MRC1: variants seen among roughly 807,000 people sequenced by gnomAD.
MRC1 encodes the protein mannose receptor C-type 1, also known as macrophage mannose receptor 1.
In MRC1, 62 loss-of-function variants were observed where a neutral mutation model predicts 102.9. The observed-to-expected ratio is 0.60, with a 90% CI of 0.49 to 0.74. The LOEUF (loss-of-function observed/expected upper bound fraction) is 0.74, where lower values mean the gene tolerates loss of function less well. Among genes scored for constraint, MRC1 ranks in the 30% least tolerant of loss-of-function variants. The pLI, the probability that MRC1 is intolerant of heterozygous loss-of-function variation, is 0.00. For missense variants in MRC1, 1,237 were observed against 862.8 expected (o/e 1.43, Z -5.43); for synonymous variants, 457 against 298.4 (o/e 1.53, Z -5.48).
At chr10:17,835,822 G>A (rs1838653984) in intron 4 of MRC1, among the ~76,000 whole-genome samples, 1 of 152,222 alleles carries the variant, frequency 6.6e-6, no homozygotes, top group Non-Finnish European at 1.5e-5. Flanking sequence ...TGCCTGGGCT[G>A]AGATCCCGAA....
intron 5 of MRC1, among the ~76,000 whole-genome samples, chr10:17,841,848 C>T (rs1838757487): frequency 6.6e-6 from 1 of 151,854 alleles, no homozygotes; most frequent in African/African-American, 2.4e-5. Flanking sequence ...ATCAAATCTC[C>T]TATGGGCCAT....
chr10:17,872,314 G>A (rs1368931667), intron 15 of MRC1, among the ~76,000 whole-genome samples, 188 bp downstream of exon 15: 1 of 152,180 alleles, frequency 6.6e-6, no homozygotes, highest in African/African-American at 2.4e-5. Context: ...GAACAGAGAA[G>A]ATCAAAAGGC....
chr10:17,905,911 T>C (rs1045475519), intron 26 of MRC1, among the ~76,000 whole-genome samples: 162 of 152,288 alleles, frequency 1.1e-3, no homozygotes, highest in African/African-American at 3.5e-3. Context: ...GAAAATTTAA[T>C]GGGTTAATGC....
chr10:17,859,105 C>A (rs1833141155), intron 9 of MRC1, among the ~76,000 whole-genome samples: 1 of 152,164 alleles, frequency 6.6e-6, no homozygotes, highest in Non-Finnish European at 1.5e-5. Context: ...GAGTTTTTAA[C>A]TTCATTGCTA....
intron 4 of MRC1, among the ~76,000 whole-genome samples, chr10:17,834,561 T>C (rs1222721509): frequency 2.0e-5 from 3 of 151,976 alleles, no homozygotes; most frequent in Admixed American, 1.3e-4. Context: ...TACAGGTGCT[T>C]GCCACCATGC....
chr10:17,826,285 C>T (rs1838474081), intron 2 of MRC1, among the ~76,000 whole-genome samples: 1 of 152,096 alleles, frequency 6.6e-6, no homozygotes, highest in African/African-American at 2.4e-5. Context: ...TCACAGCAAC[C>T]TCCGCCTCCC....
intron 5 of MRC1, among the ~76,000 whole-genome samples, chr10:17,843,978 G>C (rs1200066498): frequency 2.0e-5 from 3 of 152,130 alleles, no homozygotes; most frequent in Non-Finnish European, 4.4e-5. Context: ...GGGAGTACTG[G>C]TTTTTAAATC....
At chr10:17,831,797 C>G (rs993386936) in intron 3 of MRC1, among the ~76,000 whole-genome samples, 2 of 151,548 alleles carry the variant, frequency 1.3e-5, no homozygotes, top group Non-Finnish European at 2.9e-5. Flanking sequence ...CAAAATATTT[C>G]ATTTGTTTAC....
chr10:17,858,318 G>A (rs938603021), intron 9 of MRC1, among the ~76,000 whole-genome samples: 3 of 152,094 alleles, frequency 2.0e-5, no homozygotes, highest in African/African-American at 7.2e-5. Flanking sequence ...CTTCAGTTTT[G>A]AAGTGGATAT....
chr10:17,868,589 A>T lies in MRC1; in HGVS notation c.1984-1657A>T, dbSNP rs982764803. ...AACCCTGTTACCTACCTACTGCTTA[A>T]TGATACTGTTTTCTAATAGTCCTGC... On this transcript the variant is annotated intron_variant, in intron 12 of 29. Coordinates refer to ENST00000569591, the MANE Select transcript of MRC1 (RefSeq NM_002438.4). 1.5e-4 allele frequency among the ~76,000 whole-genome samples: 23 copies of T among 152,320 alleles called. No homozygotes were observed. In the East Asian group the frequency reaches 4.2e-3, roughly 28 times the overall value.
intron 11 of MRC1, 44 bp from the exon 12 acceptor site, chr10:17,866,518 G>C: frequency 1.3e-6 from 1 of 780,872 alleles, no homozygotes; most frequent in Non-Finnish European, 2.4e-6. Flanking sequence ...CAGGCCTTCA[G>C]CAGGCACCTG....
In MRC1 at chr10:17,873,782, A is replaced by T; in HGVS notation, c.2345-2A>T. 1.1e-6 allele frequency: 1 copy of T among 872,588 alleles called. No homozygotes were observed. The highest frequency in any genetic ancestry group is 2.0e-6 in the Non-Finnish European group (1 of 501,366). 54.1% of individuals were successfully genotyped at this position (872,588 alleles called of 1,614,324 possible). On this transcript the variant is annotated splice_acceptor_variant, in intron 15 of 29. Coordinates refer to ENST00000569591, the MANE Select transcript of MRC1 (RefSeq NM_002438.4). LOFTEE classifies it high-confidence loss of function. Reference sequence around the variant, plus strand: ...TATTTCTATTTTTCTCTTGTTTTACAGGACAAACACCAAAACCTGAGCCAA... The same window carrying T: ...TATTTCTATTTTTCTCTTGTTTTACTGGACAAACACCAAAACCTGAGCCAA...
At position 17,809,475 on chromosome 10, in the gene MRC1, C is replaced by A; in HGVS notation, c.10C>A (p.Pro4Thr). 8.0e-6 allele frequency: 7 copies of A among 872,794 alleles called. No individual in the cohort carries two copies. In the Admixed American group the frequency reaches 8.4e-5, roughly 11 times the overall value. 54.1% of individuals were successfully genotyped at this position (872,794 alleles called of 1,614,324 possible). Residue 4 changes from proline to threonine, a missense_variant, in exon 1 of 30, where the codon CCC becomes ACC. Pro to Thr is a conservative substitution (Grantham distance 38). Transcript: ENST00000569591. MRLPLLLVFASVIP... is the reference protein window; with the variant it reads MRLTLLLVFASVIP... ...GGATAAACCCTGGGCCATGAGGCTA[C>A]CCCTGCTCCTGGTTTTTGCCTCTGT...
At position 17,891,525 on chromosome 10, in the gene MRC1, G is replaced by C. The variant is rs955804994; in HGVS notation, c.3148-2685G>C. ...AACAGCAGTAAAGTGCATAATAAGC[G>C]TAATGCGTTTGAATCATCTCGAAAC... On this transcript the variant is annotated intron_variant, in intron 22 of 29. Transcript: ENST00000569591. Among the ~76,000 whole-genome samples the C allele has an allele frequency of 5.3e-5, 8 of 152,140 alleles. No homozygotes were observed. The South Asian group carries it at 8.3e-4, about 16-fold the overall frequency.
intron 29 of MRC1, among the ~76,000 whole-genome samples, chr10:17,909,838 CTAT>C (rs1312989500): frequency 1.2e-4 from 19 of 152,054 alleles, no homozygotes; most frequent in African/African-American, 3.4e-4. Context: ...CACGTTTCCA[CTAT>C]TCTTATTTTA....
At chr10:17,826,652 T>C (rs1372093646) in intron 2 of MRC1, among the ~76,000 whole-genome samples, 2 of 152,242 alleles carry the variant, frequency 1.3e-5, no homozygotes, top group Non-Finnish European at 2.9e-5. Context: ...AATGTAGCTA[T>C]GTGCATTGTT....
At chr10:17,886,103 T>A (rs1833589378) in intron 22 of MRC1, among the ~76,000 whole-genome samples, 1 of 152,052 alleles carries the variant, frequency 6.6e-6, no homozygotes, top group African/African-American at 2.4e-5. Flanking sequence ...AGGAAAGAAA[T>A]GAACATGTCT....
At chr10:17,887,246 C>G (rs1428335478) in intron 22 of MRC1, among the ~76,000 whole-genome samples, 3 of 152,010 alleles carry the variant, frequency 2.0e-5, no homozygotes, top group African/African-American at 7.2e-5. Context: ...AAAAAATTAG[C>G]CGGGCGTGGT....
chr10:17,836,122 C>T (rs1197335504), intron 4 of MRC1, among the ~76,000 whole-genome samples: 1 of 152,136 alleles, frequency 6.6e-6, no homozygotes, highest in Non-Finnish European at 1.5e-5. Context: ...GTGTGTGAGC[C>T]AATACAAGGG....
Sources: gnomAD v4.1 joint callset for allele counts (sites outside exome capture counted in the v4.1 genomes callset) on GRCh38, gnomAD v4.1.1 for gene constraint, MANE v1.5 for transcripts, NCBI Gene and HGNC (gene_info 2026-07-23, HGNC 2026-07-21) for gene names.